Variants in KAZN observed in about 807,000 individuals in gnomAD.
KAZN encodes the protein kazrin.
Under a neutral mutation model 87.4 loss-of-function variants are expected in KAZN, and 40 were observed. The ratio of observed to expected loss-of-function variants is 0.46; its 90% CI spans 0.36 to 0.60. KAZN has a LOEUF of 0.60. Among genes scored for constraint, KAZN ranks in the 20% least tolerant of loss-of-function variants. KAZN has a pLI of 0.00. For synonymous variants in KAZN, 466 were observed against 458.3 expected, an observed-to-expected ratio of 1.02 and a Z score of -0.22; for missense variants, 898 against 1,073.9, an observed-to-expected ratio of 0.84 and a Z score of 2.29.
At chr1:13,958,814 G>C (rs74510656) in intron 1 of KAZN, among the ~76,000 whole-genome samples, 2 of 152,204 alleles carry the variant, frequency 1.3e-5, no homozygotes, top group East Asian at 3.9e-4. Flanking sequence ...GACCAATGTG[G>C]CTGGAGCCAA....
chr1:13,979,776 A>G (rs1376055103), intron 1 of KAZN, among the ~76,000 whole-genome samples: 1 of 151,966 alleles, frequency 6.6e-6, no homozygotes, highest in Non-Finnish European at 1.5e-5. Flanking sequence ...AAAAATACCA[A>G]AAAAATTAAC....
intron 1 of KAZN, among the ~76,000 whole-genome samples, chr1:14,609,688 T>C (rs533283952): frequency 6.6e-6 from 1 of 152,346 alleles, no homozygotes; most frequent in East Asian, 1.9e-4. Context: ...AGCGCTACAG[T>C]CTCTCTACCT....
chr1:14,727,988 A>G (rs1338218767), intron 1 of KAZN, among the ~76,000 whole-genome samples: 1 of 151,834 alleles, frequency 6.6e-6, no homozygotes, highest in Non-Finnish European at 1.5e-5. Flanking sequence ...TTGCGCTCCT[A>G]TGAGAATCTA....
chr1:14,561,335 G>T (rs1344191309), intron 2 of KAZN, among the ~76,000 whole-genome samples: 1 of 152,194 alleles, frequency 6.6e-6, no homozygotes, highest in African/African-American at 2.4e-5. Context: ...AGAGATGGAA[G>T]GGACAGAAAA....
rs748291466 is a variant in KAZN, at chr1:15,034,912, C to A, written c.555+27C>A. 79 of 1,611,542 alleles carry A rather than the reference C, an allele frequency of 4.9e-5. No homozygotes were observed. The Middle Eastern group carries it at 5.5e-4, about 11-fold the overall frequency. On this transcript the variant is annotated intron_variant, in intron 3 of 14. Coordinates refer to ENST00000376030, the MANE Select transcript of KAZN (RefSeq NM_201628.3). ...TCAGCCGCCGCCCTGCCCTCCCCTC[C>A]CCTCCCGACACACCAGCTCCCACCT...
chr1:14,258,435 C>T (rs1650743591), intron 2 of KAZN, among the ~76,000 whole-genome samples: 1 of 145,520 alleles, frequency 6.9e-6, no homozygotes, highest in African/African-American at 2.7e-5. Flanking sequence ...CGGGGTTTCA[C>T]CGTGTTAGCC....
chr1:14,832,846 T>G (rs1307331654), intron 1 of KAZN, among the ~76,000 whole-genome samples: 1 of 152,186 alleles, frequency 6.6e-6, no homozygotes, highest in East Asian at 1.9e-4. Context: ...CTGTGAAAGT[T>G]ACATGAAATT....
chr1:15,042,892 T>C (rs1426353602), intron 3 of KAZN, among the ~76,000 whole-genome samples: 3 of 152,194 alleles, frequency 2.0e-5, no homozygotes, highest in Non-Finnish European at 2.9e-5. Context: ...AGATGGTGGC[T>C]GGGTGGATGG....
At chr1:14,881,263 A>T (rs576260906) in intron 1 of KAZN, among the ~76,000 whole-genome samples, 1 of 152,244 alleles carries the variant, frequency 6.6e-6, no homozygotes, top group Non-Finnish European at 1.5e-5. Flanking sequence ...AAAATCCAGC[A>T]GGGTGACAGG....
chr1:14,586,585 C>A (rs499516), intron 2 of KAZN, among the ~76,000 whole-genome samples: 1 of 143,724 alleles, frequency 7.0e-6, no homozygotes, highest in African/African-American at 2.5e-5. Flanking sequence ...TGCTGGAGTG[C>A]GGTGGCACAA....
chr1:14,917,602 G>A (rs567044355), intron 1 of KAZN, among the ~76,000 whole-genome samples: 8 of 152,176 alleles, frequency 5.3e-5, no homozygotes, highest in Admixed American at 1.3e-4. Flanking sequence ...GCCACAGCCC[G>A]ACAAGTAGTG....
At chr1:14,075,953 G>A (rs373944955) in intron 1 of KAZN, among the ~76,000 whole-genome samples, 4 of 152,122 alleles carry the variant, frequency 2.6e-5, no homozygotes, top group Admixed American at 2.6e-4. Context: ...GATGTAAACA[G>A]TTAAGATGAG....
At chr1:14,821,698 C>T (rs1646742588) in intron 1 of KAZN, among the ~76,000 whole-genome samples, 1 of 152,006 alleles carries the variant, frequency 6.6e-6, no homozygotes, top group African/African-American at 2.4e-5. Flanking sequence ...TCAGGAGAAA[C>T]GACCCCTGCT....
At chr1:14,294,377 T>C (rs1484482332) in intron 2 of KAZN, among the ~76,000 whole-genome samples, 1 of 152,088 alleles carries the variant, frequency 6.6e-6, no homozygotes, top group Admixed American at 6.5e-5. Context: ...GCAGATATAC[T>C]GCAGTCTCAA....
intron 1 of KAZN, among the ~76,000 whole-genome samples, chr1:14,108,927 T>C (rs1255915505): frequency 6.6e-6 from 1 of 152,226 alleles, no homozygotes; most frequent in South Asian, 2.1e-4. Flanking sequence ...CTGTGCTGCC[T>C]ATGCCATAGG....
At chr1:14,253,122 A>G (rs1270482662) in intron 2 of KAZN, among the ~76,000 whole-genome samples, 3 of 56,604 alleles carry the variant, frequency 5.3e-5, no homozygotes, top group Non-Finnish European at 1.0e-4. Flanking sequence ...GAAAAAAGAG[A>G]AAAAAAAAAA....
chr1:14,953,044 T>C (rs1197366695), intron 1 of KAZN, among the ~76,000 whole-genome samples: 1 of 151,744 alleles, frequency 6.6e-6, no homozygotes, highest in Non-Finnish European at 1.5e-5. Context: ...ACCCCAAACC[T>C]GCATGCCCGC....
chr1:14,790,757 A>G (rs1645650420), intron 1 of KAZN, among the ~76,000 whole-genome samples: 1 of 152,060 alleles, frequency 6.6e-6, no homozygotes. Flanking sequence ...CAGTGGTGCA[A>G]TCTTGGCTCA....
intron 1 of KAZN, among the ~76,000 whole-genome samples, chr1:14,791,722 G>A (rs761181362): frequency 5.3e-5 from 8 of 152,218 alleles, no homozygotes; most frequent in African/African-American, 9.7e-5. Flanking sequence ...GCGAGCTTCC[G>A]GAACATCCTG....
Sources: gnomAD v4.1 joint callset for allele counts (sites outside exome capture counted in the v4.1 genomes callset) on GRCh38, gnomAD v4.1.1 for gene constraint, MANE v1.5 for transcripts, NCBI Gene and HGNC (gene_info 2026-07-23, HGNC 2026-07-21) for gene names.